Variants in TFCP2 observed in about 807,000 individuals in gnomAD.
The protein encoded by TFCP2 is transcription factor CP2, also known as alpha-globin transcription factor CP2.
A neutral mutation model predicts 73.4 loss-of-function variants in TFCP2; 33 were observed. The ratio of observed to expected loss-of-function variants is 0.45; its 90% CI spans 0.34 to 0.60. TFCP2 has a LOEUF of 0.60. TFCP2 is among the 20% of genes least tolerant of loss of function. The probability of loss-of-function intolerance (pLI) is 0.01; values close to 1 mark genes in which losing one functional copy is unlikely to be tolerated. For missense variants in TFCP2, 352 were observed against 604.0 expected (o/e 0.58, Z 4.37); for synonymous variants, 193 against 211.6 (o/e 0.91, Z 0.76).
At chr12:51,152,149 T>G (rs1941443084) in intron 1 of TFCP2, among the ~76,000 whole-genome samples, 2 of 152,176 alleles carry the variant, frequency 1.3e-5, no homozygotes, top group Admixed American at 6.6e-5. Context: ...CAAGTAACAC[T>G]GCCAGTAATA....
chr12:51,124,343 T>G (rs1940750066), intron 1 of TFCP2, among the ~76,000 whole-genome samples: 1 of 152,130 alleles, frequency 6.6e-6, no homozygotes, highest in Non-Finnish European at 1.5e-5. Flanking sequence ...CTCTTCTCTC[T>G]TAGCCTCCCA....
At chr12:51,105,725 T>C (rs1284228256) in intron 8 of TFCP2, among the ~76,000 whole-genome samples, 1 of 152,234 alleles carries the variant, frequency 6.6e-6, no homozygotes, top group Non-Finnish European at 1.5e-5. Flanking sequence ...CCTACTTTTA[T>C]TCTTAATTGT....
chr12:51,106,296 A>C (rs532288587), intron 8 of TFCP2, among the ~76,000 whole-genome samples: 7 of 152,100 alleles, frequency 4.6e-5, no homozygotes, highest in Non-Finnish European at 1.0e-4. Context: ...TAGTGGGGGG[A>C]AAAAAGACGA....
intron 1 of TFCP2, chr12:51,125,147 A>AT (rs751959557): frequency 4.1e-6 from 3 of 734,874 alleles, no homozygotes; most frequent in Admixed American, 3.6e-5. Context: ...GCAGTGTGAT[A>AT]TTGACATTCT....
intron 1 of TFCP2, among the ~76,000 whole-genome samples, chr12:51,147,473 A>G (rs1478376547): frequency 6.6e-6 from 1 of 152,156 alleles, no homozygotes; most frequent in Non-Finnish European, 1.5e-5. Context: ...ACTATCAGCA[A>G]CAAATGGAAA....
At chr12:51,162,627 A>G (rs1941671865) in intron 1 of TFCP2, among the ~76,000 whole-genome samples, 1 of 152,172 alleles carries the variant, frequency 6.6e-6, no homozygotes, top group Non-Finnish European at 1.5e-5. Flanking sequence ...TATACAATAT[A>G]TCGTTTTAAC....
chr12:51,119,038 T>C (rs999428330), intron 1 of TFCP2, among the ~76,000 whole-genome samples: 1 of 152,220 alleles, frequency 6.6e-6, no homozygotes, highest in South Asian at 2.1e-4. Context: ...CTAAAAGGAC[T>C]GTGGAAATTA....
At chr12:51,145,283 G>A (rs1162293106) in intron 1 of TFCP2, among the ~76,000 whole-genome samples, 1 of 151,438 alleles carries the variant, frequency 6.6e-6, no homozygotes, top group Non-Finnish European at 1.5e-5. Flanking sequence ...CTGGGAGGCT[G>A]AAGCAGGAGA....
intron 1 of TFCP2, chr12:51,125,323 A>G (rs17122760): frequency 0.18 from 93,881 of 520,120 alleles, 10,421 homozygotes; most frequent in East Asian, 0.54. Flanking sequence ...CAACATCCAC[A>G]TTATATAAGG....
chr12:51,104,169 G>T lies in TFCP2; in HGVS notation c.952C>A (p.Pro318Thr), dbSNP rs376607235. Residue 318 changes from proline to threonine, a missense_variant, in exon 9 of 15, where the codon CCT (proline) becomes ACT (threonine). This residue lies in a region of TFCP2 where 194 missense variants were observed against 256.3 expected (regional missense o/e 0.76). Coordinates refer to ENST00000257915, the MANE Select transcript of TFCP2 (RefSeq NM_005653.5). Reference protein sequence around the residue: ...GSPNHQPEPPPPVTDNLLPTT... With the variant: ...GSPNHQPEPPTPVTDNLLPTT... The stretch of plus-strand genomic sequence containing the variant: ...TTTAGACTTACATCTGTGACTGGAG[G>T]GGGTGGCTCTGGCTGGTGGTTTGGT... 9.3e-6 allele frequency: 15 copies of T among 1,613,954 alleles called. No homozygotes were observed. Among genetic ancestry groups the T allele is most frequent in the Admixed American group, 3.3e-5 (2 of 59,990 alleles).
At position 51,118,788 on chromosome 12, in the gene TFCP2, T is replaced by C. The variant is rs373146333; in HGVS notation, c.123-16A>G. On this transcript the variant is annotated splice_polypyrimidine_tract_variant and intron_variant, in intron 1 of 14. Transcript: ENST00000257915. The stretch of plus-strand genomic sequence containing the variant: ...AAGGACATCACTAAAATAAAACAAA[T>C]GACTCACATTAATACCTGGCAATGG... 22 of 1,613,348 alleles carry C rather than the reference T, an allele frequency of 1.4e-5. No homozygotes were observed. Among genetic ancestry groups the C allele is most frequent in the Non-Finnish European group, 1.9e-5 (22 of 1,179,772 alleles).
At chr12:51,133,299 C>T (rs1566217250) in intron 1 of TFCP2, among the ~76,000 whole-genome samples, 1 of 151,988 alleles carries the variant, frequency 6.6e-6, no homozygotes, top group Non-Finnish European at 1.5e-5. Flanking sequence ...ATAAAATATA[C>T]CTATTTTCAC....
Position 51,093,694 on chromosome 12 carries a change from A to C in TFCP2, c.*1547T>G, listed in dbSNP as rs1939884608. 6.6e-6 allele frequency: 1 copy of C among 152,100 alleles called. No individual in the cohort carries two copies. Among genetic ancestry groups the C allele is most frequent in the Non-Finnish European group, 1.5e-5 (1 of 68,006 alleles). 9.4% of individuals were successfully genotyped at this position (152,100 alleles called of 1,614,324 possible). A position where few individuals can be genotyped will look rare whatever the true frequency, so the allele number is the denominator to read the frequency against. ...TAACAAGTTGCTCAGGTCAGTTTTA[A>C]ACAAGTCATTGACTTAATTTTTTGG... On this transcript the variant is annotated 3_prime_UTR_variant, in exon 15 of 15. Coordinates refer to ENST00000257915, the MANE Select transcript of TFCP2 (RefSeq NM_005653.5).
At chr12:51,145,315 G>A (rs1271539763) in intron 1 of TFCP2, among the ~76,000 whole-genome samples, 1 of 151,006 alleles carries the variant, frequency 6.6e-6, no homozygotes, top group African/African-American at 2.4e-5. Flanking sequence ...CTGGGGGGTG[G>A]AAGTTGCAGT....
Position 51,134,934 on chromosome 12 carries a change from C to A in TFCP2, c.123-16162G>T, listed in dbSNP as rs116440481. On this transcript the variant is annotated intron_variant, in intron 1 of 14. Transcript: ENST00000257915. ...AACCAGTCTGGGCAACATAGTGGGA[C>A]CTTGTCTCTAAAAAAAATTTTAAAA... Among the ~76,000 whole-genome samples, 394 of 151,992 alleles carry A rather than the reference C, an allele frequency of 2.6e-3. 2 individuals carry two copies. Among genetic ancestry groups the A allele is most frequent in the African/African-American group, 9.0e-3 (375 of 41,468 alleles).
intron 14 of TFCP2, among the ~76,000 whole-genome samples, 176 bp downstream of exon 14, chr12:51,095,813 C>CAAAAAAAAAAAAAAAAA (rs34105291): frequency 1.2e-5 from 1 of 84,178 alleles, no homozygotes; most frequent in Non-Finnish European, 2.1e-5. Context: ...GACTCTGTTT[C>CAAAAAAAAAAAAAAAAA]AAAAAAAAAA....
intron 1 of TFCP2, among the ~76,000 whole-genome samples, chr12:51,170,030 T>A (rs1941827817): frequency 6.6e-6 from 1 of 152,236 alleles, no homozygotes; most frequent in Admixed American, 6.5e-5. Flanking sequence ...GCCTAACCTC[T>A]GGTAACCTAA....
chr12:51,102,043 AAAT>A lies in TFCP2; in HGVS notation c.1061-21_1061-19del. On this transcript the variant is annotated intron_variant, in intron 10 of 14. Coordinates refer to ENST00000257915, the MANE Select transcript of TFCP2 (RefSeq NM_005653.5). ...ATCTGCCCCTGGAATAAATATAAGA[AAAT>A]GGATGATAAAGGCAAAGATTCTCTT... 1 of 1,532,990 alleles carries A rather than the reference AAAT, an allele frequency of 6.5e-7. No homozygotes were observed. Among genetic ancestry groups the A allele is most frequent in the South Asian group, 1.1e-5 (1 of 89,426 alleles). The allele number at this position is 1,532,990 out of a possible 1,614,324, so 95.0% of individuals were successfully genotyped here.
At chr12:51,140,875 G>A (rs543237908) in intron 1 of TFCP2, among the ~76,000 whole-genome samples, 3 of 152,054 alleles carry the variant, frequency 2.0e-5, no homozygotes, top group South Asian at 2.1e-4. Flanking sequence ...GGCTAGCATG[G>A]TGAAACGCTG....
Sources: allele counts gnomAD v4.1 joint callset (sites outside exome capture counted in the v4.1 genomes callset), GRCh38; gene constraint gnomAD v4.1.1; regional missense constraint gnomAD v4.1.1; transcripts MANE v1.5; gene names NCBI Gene and HGNC (gene_info 2026-07-23, HGNC 2026-07-21).